The following PIK3AP1 variants were observed in gnomAD, a reference collection of about 807,000 sequenced individuals.
PIK3AP1 encodes the protein phosphoinositide 3-kinase adapter protein 1.
PIK3AP1 carries 21 observed loss-of-function variants against 88.1 expected under a neutral mutation model. The ratio of observed to expected loss-of-function variants is 0.24; its 90% CI spans 0.17 to 0.34. The LOEUF (loss-of-function observed/expected upper bound fraction) is 0.34, where lower values mean the gene tolerates loss of function less well. Ranked by LOEUF, PIK3AP1 falls within the 10% of genes least tolerant of loss-of-function variation. The pLI, the probability that PIK3AP1 is intolerant of heterozygous loss-of-function variation, is 1.00. For synonymous variants in PIK3AP1, 398 were observed against 400.0 expected, an observed-to-expected ratio of 1.00 and a Z score of 0.06; for missense variants, 828 against 1,035.7, an observed-to-expected ratio of 0.80 and a Z score of 2.75.
At chr10:96,664,192 A>T (rs1198877103) in intron 2 of PIK3AP1, among the ~76,000 whole-genome samples, 3 of 152,252 alleles carry the variant, frequency 2.0e-5, no homozygotes, top group African/African-American at 4.8e-5. Context: ...AAACAACCTA[A>T]AAGACTATTA....
rs1445222390 is a variant in PIK3AP1 at position 96,700,910 on chromosome 10, C to T, written c.430+8657G>A. ...GCTGCTGCCTGTGACGCGCCAAGGC[C>T]AGGCTCTGAGCCCCTTGGGACTACT... On this transcript the variant is annotated intron_variant, in intron 2 of 16. Transcript: ENST00000339364. 3 of 983,034 alleles carry T rather than the reference C, an allele frequency of 3.1e-6. No individual in the cohort carries two copies. In the East Asian group the frequency reaches 3.4e-4, roughly 113 times the overall value. The allele number at this position is 983,034 out of a possible 1,614,324, so 60.9% of individuals were successfully genotyped here. A position where few individuals can be genotyped will look rare whatever the true frequency, so the allele number is the denominator to read the frequency against.
rs750477172 is a variant in PIK3AP1 at position 96,709,678 on chromosome 10, C to G, written c.319G>C (p.Asp107His). The G allele has an allele frequency of 6.2e-7, 1 of 1,614,266 alleles. No individual in the cohort carries two copies. Among genetic ancestry groups the G allele is most frequent in the East Asian group, 2.2e-5 (1 of 44,892 alleles). Residue 107 changes from aspartate to histidine, a missense_variant, in exon 2 of 17, where the codon GAC (aspartate) becomes CAC (histidine). Asp to His is a moderately conservative substitution (Grantham distance 81, BLOSUM62 -1). Around this residue, in one of 3 missense-constraint regions of PIK3AP1, gnomAD observed 610 missense variants for 760.1 expected, o/e 0.80. Coordinates refer to ENST00000339364, the MANE Select transcript of PIK3AP1 (RefSeq NM_152309.3). ...AAGAAGTCTAGGAACTCCTCGCTGT[C>G]CCGCACGCCGCAGAGCAGCCTGACC... ...RVVRLLCGVR[D>H]SEEFLDFFPD...
intron 2 of PIK3AP1, among the ~76,000 whole-genome samples, chr10:96,674,962 G>A (rs1214725235): frequency 6.6e-6 from 1 of 152,174 alleles, no homozygotes; most frequent in Non-Finnish European, 1.5e-5. Flanking sequence ...CTGCAATCAC[G>A]GTTCACTGCA....
At chr10:96,682,011 T>TAGAG (rs1352963970) in intron 2 of PIK3AP1, among the ~76,000 whole-genome samples, 1 of 130,880 alleles carries the variant, frequency 7.6e-6, no homozygotes, top group South Asian at 2.4e-4. Flanking sequence ...TATATATATA[T>TAGAG]ATAGAGAGAG....
At chr10:96,654,760 TG>T (rs1490811393) in intron 3 of PIK3AP1, among the ~76,000 whole-genome samples, 3 of 152,160 alleles carry the variant, frequency 2.0e-5, no homozygotes, top group African/African-American at 7.2e-5. Flanking sequence ...GATAATGCTT[TG>T]GTGGCAACCC....
intron 8 of PIK3AP1, among the ~76,000 whole-genome samples, chr10:96,629,493 T>A (rs1329014031): frequency 1.3e-5 from 2 of 151,962 alleles, no homozygotes; most frequent in Admixed American, 6.6e-5. Flanking sequence ...AGATTCAGAA[T>A]CTTCAAAAAA....
At chr10:96,704,636 C>T (rs1844339317) in intron 2 of PIK3AP1, among the ~76,000 whole-genome samples, 1 of 151,438 alleles carries the variant, frequency 6.6e-6, no homozygotes, top group Non-Finnish European at 1.5e-5. Context: ...GAGAATTGCT[C>T]GAACCCAGGG....
At chr10:96,633,291 C>G (rs988925772) in intron 8 of PIK3AP1, 7 of 423,988 alleles carry the variant, frequency 1.7e-5, no homozygotes, top group African/African-American at 1.4e-4. Context: ...TGGCTCTTAC[C>G]AGGTTACCGG....
intron 1 of PIK3AP1, among the ~76,000 whole-genome samples, chr10:96,716,041 G>A (rs1844498036): frequency 6.6e-6 from 1 of 152,136 alleles, no homozygotes; most frequent in African/African-American, 2.4e-5. Flanking sequence ...AGCACTTTGG[G>A]AGGCCAATGC....
chr10:96,633,642 G>A (rs1178506395), intron 8 of PIK3AP1, among the ~76,000 whole-genome samples: 1 of 152,186 alleles, frequency 6.6e-6, no homozygotes, highest in East Asian at 1.9e-4. Flanking sequence ...TCAAAAAAGA[G>A]GATTCAATTT....
At chr10:96,670,831 A>G (rs1392526395) in intron 2 of PIK3AP1, among the ~76,000 whole-genome samples, 3 of 152,212 alleles carry the variant, frequency 2.0e-5, no homozygotes, top group Admixed American at 6.5e-5. Context: ...AAGTCTGGTC[A>G]TAACTGAGAA....
intron 1 of PIK3AP1, among the ~76,000 whole-genome samples, chr10:96,711,129 C>G (rs59343228): frequency 0.14 from 20,847 of 152,164 alleles, 1,762 homozygotes; most frequent in East Asian, 0.25. Flanking sequence ...TCCTCATTTA[C>G]AGATGAAAGA....
chr10:96,670,941 T>C (rs549393435), intron 2 of PIK3AP1, among the ~76,000 whole-genome samples: 7 of 152,172 alleles, frequency 4.6e-5, no homozygotes, highest in African/African-American at 1.4e-4. Context: ...CAAGTCAACA[T>C]CCTGCCCTAT....
intron 2 of PIK3AP1, among the ~76,000 whole-genome samples, chr10:96,658,448 C>T (rs1397116378): frequency 6.6e-6 from 1 of 152,160 alleles, no homozygotes; most frequent in African/African-American, 2.4e-5. Flanking sequence ...AGAGGCTGTG[C>T]TTCCACAACC....
Position 96,628,871 on chromosome 10 carries a change from T to TACATATATATACAGAC in PIK3AP1, c.1376-379_1376-378insGTCTGTATATATATGT, listed in dbSNP as rs778599781. Reference sequence around the variant, plus strand: ...ACATATATATACACACACACATATATACACATATATATATATACATATATA... The same window carrying TACATATATATACAGAC: ...ACATATATATACACACACACATATATACATATATATACAGACACACATATATATATATACATATATA... On this transcript the variant is annotated intron_variant, in intron 8 of 16. Transcript: ENST00000339364. Among the ~76,000 whole-genome samples, 43 of 43,678 alleles carry TACATATATATACAGAC rather than the reference T, an allele frequency of 9.8e-4. 2 individuals carry two copies. Among genetic ancestry groups the TACATATATATACAGAC allele is most frequent in the African/African-American group, 2.3e-3 (35 of 15,254 alleles). The allele number at this position is 43,678 out of a possible 152,430, so 28.7% of individuals were successfully genotyped here. A position where few individuals can be genotyped will look rare whatever the true frequency, so the allele number is the denominator to read the frequency against.
chr10:96,635,836 C>G (rs1223279056), intron 8 of PIK3AP1, among the ~76,000 whole-genome samples: 2 of 152,048 alleles, frequency 1.3e-5, no homozygotes, highest in Non-Finnish European at 2.9e-5. Context: ...ACCCAGGAGA[C>G]AGAGGTTGCA....
intron 12 of PIK3AP1, among the ~76,000 whole-genome samples, chr10:96,617,434 G>A (rs1250523419): frequency 6.6e-6 from 1 of 152,182 alleles, no homozygotes; most frequent in African/African-American, 2.4e-5. Context: ...GTCACAGGAG[G>A]CCAAACTGGA....
At chr10:96,616,164 G>T (rs576194398) in intron 13 of PIK3AP1, among the ~76,000 whole-genome samples, 3 of 152,182 alleles carry the variant, frequency 2.0e-5, no homozygotes, top group Non-Finnish European at 4.4e-5. Flanking sequence ...CCCTGCTATT[G>T]CACCATGGAA....
At chr10:96,709,231 C>G (rs1844406733) in intron 2 of PIK3AP1, among the ~76,000 whole-genome samples, 1 of 151,546 alleles carries the variant, frequency 6.6e-6, no homozygotes, top group South Asian at 2.1e-4. Context: ...CAGTCTTGTT[C>G]CTCACACCAA....
Sources: gnomAD v4.1 joint callset for allele counts (sites outside exome capture counted in the v4.1 genomes callset) on GRCh38, gnomAD v4.1.1 for gene constraint, gnomAD v4.1.1 regional missense constraint, MANE v1.5 for transcripts, NCBI Gene and HGNC (gene_info 2026-07-23, HGNC 2026-07-21) for gene names.